SCAPER: variants seen among roughly 807,000 people sequenced by gnomAD.
SCAPER encodes the protein S-phase cyclin A associated protein in the ER.
In SCAPER, 98 loss-of-function variants were observed where a neutral mutation model predicts 182.2. That is an observed-to-expected ratio of 0.54 (90% CI 0.46 to 0.64). SCAPER has a LOEUF of 0.64. SCAPER is among the 30% of genes least tolerant of loss of function. The pLI is 0.00. For missense variants in SCAPER, 1,432 were observed against 1,690.0 expected (o/e 0.85, Z 2.68); for synonymous variants, 605 against 564.6 (o/e 1.07, Z -1.01).
chr15:76,479,850 C>T (rs2050959758), intron 24 of SCAPER, among the ~76,000 whole-genome samples: 1 of 152,138 alleles, frequency 6.6e-6, no homozygotes, highest in East Asian at 1.9e-4. Flanking sequence ...TAAACAACTG[C>T]CAAAGGCAAT....
At chr15:76,591,704 A>G (rs1433399066) in intron 22 of SCAPER, among the ~76,000 whole-genome samples, 1 of 152,226 alleles carries the variant, frequency 6.6e-6, no homozygotes, top group Non-Finnish European at 1.5e-5. Context: ...AGTACACAAA[A>G]TATTAACAGT....
At position 76,869,185 on chromosome 15, in the gene SCAPER, G is replaced by GT. The variant is rs1280395619; in HGVS notation, c.7-6653_7-6652insA. Among the ~76,000 whole-genome samples, 481 of 152,192 alleles carry GT rather than the reference G, an allele frequency of 3.2e-3. 3 individuals carry two copies. The highest frequency in any genetic ancestry group is 6.0e-3 in the South Asian group (29 of 4,828). ...TACTAAAATAAAACTTAAAAGAAATGCTCCAGGATATTTGTCTGGGTAAAG... is the reference window on the plus strand; with the variant it reads ...TACTAAAATAAAACTTAAAAGAAATGTCTCCAGGATATTTGTCTGGGTAAAG... On this transcript the variant is annotated intron_variant, in intron 2 of 31. Transcript: ENST00000563290.
chr15:76,714,834 T>C (rs934910232), intron 17 of SCAPER, among the ~76,000 whole-genome samples: 3 of 152,110 alleles, frequency 2.0e-5, no homozygotes, highest in South Asian at 4.2e-4. Flanking sequence ...ATACATCAAA[T>C]TGAAGTGGAG....
intron 28 of SCAPER, chr15:76,380,071 G>A (rs2042852433): frequency 6.6e-6 from 1 of 152,192 alleles, no homozygotes; most frequent in Non-Finnish European, 1.5e-5. Flanking sequence ...GCAGCTGATG[G>A]GTAGACTGGT....
intron 22 of SCAPER, among the ~76,000 whole-genome samples, chr15:76,600,991 A>G (rs2145787752): frequency 8.2e-6 from 1 of 122,304 alleles, no homozygotes; most frequent in East Asian, 2.2e-4. Context: ...TCAAAAAACA[A>G]CAACAGAAGA....
intron 5 of SCAPER, among the ~76,000 whole-genome samples, chr15:76,826,346 G>C (rs1023069903): frequency 1.2e-4 from 17 of 146,270 alleles, no homozygotes; most frequent in Admixed American, 1.1e-3. Flanking sequence ...CTCACTCATA[G>C]GTGGGAACTG....
chr15:76,848,319 TGG>T (rs1021661338), intron 4 of SCAPER, among the ~76,000 whole-genome samples: 1 of 132,386 alleles, frequency 7.6e-6, no homozygotes, highest in Non-Finnish European at 1.6e-5. Context: ...GTGTTTTTTT[TGG>T]GGTTTTTTTT....
intron 24 of SCAPER, among the ~76,000 whole-genome samples, chr15:76,495,989 GAGAGACACAC>G (rs1305616069): frequency 0.018 from 1,925 of 105,552 alleles, 52 homozygotes; most frequent in African/African-American, 0.056. Flanking sequence ...AAGCAAAAGA[GAGAGACACAC>G]ACACACACAC....
At chr15:76,407,615 A>G (rs763599106) in intron 26 of SCAPER, among the ~76,000 whole-genome samples, 1 of 152,224 alleles carries the variant, frequency 6.6e-6, no homozygotes, top group South Asian at 2.1e-4. Context: ...AAGCAGAAAA[A>G]TCAGTAGAAA....
intron 22 of SCAPER, among the ~76,000 whole-genome samples, chr15:76,615,590 G>A (rs2051400620): frequency 6.6e-6 from 1 of 151,144 alleles, no homozygotes; most frequent in South Asian, 2.1e-4. Context: ...GGACACCGAG[G>A]TAGGCAGATC....
intron 24 of SCAPER, among the ~76,000 whole-genome samples, chr15:76,494,915 A>AC (rs987069532): frequency 1.3e-5 from 2 of 152,174 alleles, no homozygotes; most frequent in Non-Finnish European, 2.9e-5. Flanking sequence ...CAGAAGGAAG[A>AC]CCAGAATAGG....
chr15:76,855,794 A>AT, intron 4 of SCAPER: 1 of 381,618 alleles, frequency 2.6e-6, no homozygotes, highest in Non-Finnish European at 5.4e-6. Flanking sequence ...GGTTGTGGAG[A>AT]TAAGAGAATA....
chr15:76,560,886 A>C (rs73455154), intron 23 of SCAPER, among the ~76,000 whole-genome samples: 3,029 of 152,278 alleles, frequency 0.02, 106 homozygotes, highest in African/African-American at 0.068. Context: ...ATAATGTATT[A>C]TATTAAGGAG....
chr15:76,505,537 A>G (rs2143844808), intron 23 of SCAPER, among the ~76,000 whole-genome samples: 1 of 152,322 alleles, frequency 6.6e-6, no homozygotes, highest in East Asian at 1.9e-4. Flanking sequence ...AATCAAAACT[A>G]CAGTGAGATA....
At chr15:76,735,889 C>T (rs1598434716) in intron 15 of SCAPER, among the ~76,000 whole-genome samples, 1 of 152,282 alleles carries the variant, frequency 6.6e-6, no homozygotes, top group Non-Finnish European at 1.5e-5. Flanking sequence ...TCCAAGACCC[C>T]TGGTGGATGC....
chr15:76,748,927 GA>G (rs55923176), intron 15 of SCAPER, among the ~76,000 whole-genome samples: 23 of 145,622 alleles, frequency 1.6e-4, no homozygotes, highest in East Asian at 4.0e-4. Flanking sequence ...GATTTTACAA[GA>G]AAAAAAAAAT....
chr15:76,845,444 G>T (rs1045214679), intron 4 of SCAPER, among the ~76,000 whole-genome samples: 7 of 152,100 alleles, frequency 4.6e-5, no homozygotes, highest in African/African-American at 1.7e-4. Flanking sequence ...CAGATAATAT[G>T]ATCTCATATT....
intron 20 of SCAPER, among the ~76,000 whole-genome samples, chr15:76,694,057 G>A (rs1489045142): frequency 6.6e-6 from 1 of 151,512 alleles, no homozygotes; most frequent in Non-Finnish European, 1.5e-5. Context: ...TCTCAGGATT[G>A]CTGTGGCTAC....
chr15:76,400,487 G>A (rs1055719824), intron 27 of SCAPER, among the ~76,000 whole-genome samples: 5 of 152,168 alleles, frequency 3.3e-5, no homozygotes, highest in Admixed American at 6.5e-5. Context: ...AAATAAGCAG[G>A]AGAAAACAAT....
Sources: gnomAD v4.1 joint callset for allele counts (sites outside exome capture counted in the v4.1 genomes callset) on GRCh38, gnomAD v4.1.1 for gene constraint, MANE v1.5 for transcripts, NCBI Gene and HGNC (gene_info 2026-07-23, HGNC 2026-07-21) for gene names.